The following NAV2 variants were observed in gnomAD, a reference collection of about 807,000 sequenced individuals.
NAV2 encodes neuron navigator 2, also known as helicase, APC down-regulated 1.
Under a neutral mutation model 223.2 loss-of-function variants are expected in NAV2, and 54 were observed. The observed-to-expected ratio is 0.24, with a 90% CI of 0.19 to 0.30. The LOEUF (loss-of-function observed/expected upper bound fraction) is 0.30. Ranked by LOEUF, NAV2 falls within the 10% of genes least tolerant of loss-of-function variation. NAV2 has a pLI of 1.00. For missense variants in NAV2, 2,806 were observed against 3,147.5 expected, an observed-to-expected ratio of 0.89 and a Z score of 2.60; for synonymous variants, 1,279 against 1,239.3, an observed-to-expected ratio of 1.03 and a Z score of -0.67.
chr11:19,936,906 G>A (rs1412021371), intron 7 of NAV2, among the ~76,000 whole-genome samples: 5 of 152,164 alleles, frequency 3.3e-5, no homozygotes, highest in Non-Finnish European at 7.4e-5. Flanking sequence ...GGAAGGTCAA[G>A]GTGGGCAGAT....
At chr11:19,537,233 C>G (rs561326004) in intron 1 of NAV2, among the ~76,000 whole-genome samples, 1 of 152,178 alleles carries the variant, frequency 6.6e-6, no homozygotes, top group East Asian at 1.9e-4. Context: ...AATAACTTTT[C>G]TAGAGCTATC....
intron 1 of NAV2, among the ~76,000 whole-genome samples, chr11:19,746,033 T>C (rs1403030883): frequency 1.3e-5 from 2 of 152,226 alleles, no homozygotes; most frequent in East Asian, 3.8e-4. Flanking sequence ...TAAAATATTA[T>C]GCCCATTTTA....
intron 1 of NAV2, among the ~76,000 whole-genome samples, chr11:19,374,120 G>A (rs1429024542): frequency 3.3e-5 from 5 of 152,004 alleles, no homozygotes; most frequent in East Asian, 1.9e-4. Context: ...TTTACCACAC[G>A]TATCACCAGT....
At chr11:19,588,025 ATCAG>A (rs1447806290) in intron 1 of NAV2, among the ~76,000 whole-genome samples, 15 of 152,340 alleles carry the variant, frequency 9.8e-5, no homozygotes, top group African/African-American at 3.6e-4. Flanking sequence ...TTGCCCTTAG[ATCAG>A]TGTCTAGCAT....
intron 34 of NAV2, 94 bp downstream of exon 34, chr11:20,103,818 T>A (rs1218550206): frequency 9.1e-7 from 1 of 1,095,788 alleles, no homozygotes; most frequent in Non-Finnish European, 1.4e-6. Context: ...TGAGTATGTG[T>A]TGTATGCTAG....
intron 11 of NAV2, among the ~76,000 whole-genome samples, chr11:20,008,360 A>C (rs1451107618): frequency 6.6e-6 from 1 of 152,198 alleles, no homozygotes; most frequent in African/African-American, 2.4e-5. Context: ...TGTCTCAAAA[A>C]AAAAAGTTTA....
intron 1 of NAV2, among the ~76,000 whole-genome samples, chr11:19,458,681 A>G (rs909627107): frequency 2.6e-5 from 4 of 152,200 alleles, no homozygotes; most frequent in African/African-American, 9.6e-5. Flanking sequence ...TAGAGTCAGG[A>G]TTTGAACCCA....
chr11:19,382,332 G>T (rs1848872504), intron 1 of NAV2, among the ~76,000 whole-genome samples: 1 of 152,118 alleles, frequency 6.6e-6, no homozygotes, highest in African/African-American at 2.4e-5. Context: ...TGGAATTGTT[G>T]CCATGCTGAA....
At chr11:19,777,104 C>G (rs973891940) in intron 1 of NAV2, among the ~76,000 whole-genome samples, 1 of 144,168 alleles carries the variant, frequency 6.9e-6, no homozygotes, top group East Asian at 2.0e-4. Context: ...CCCCCCCCCC[C>G]ACCCCGCCCT....
chr11:19,802,822 C>T (rs926387405), intron 1 of NAV2, among the ~76,000 whole-genome samples: 5 of 152,040 alleles, frequency 3.3e-5, no homozygotes, highest in African/African-American at 7.2e-5. Flanking sequence ...TGCTCTCCCA[C>T]ACAAATCAGC....
chr11:19,688,436 G>T (rs1476741738), intron 1 of NAV2, among the ~76,000 whole-genome samples: 2 of 152,024 alleles, frequency 1.3e-5, no homozygotes, highest in African/African-American at 4.8e-5. Context: ...TGGTAACAGA[G>T]GTACACAAAC....
chr11:19,636,942 T>G (rs180785398), intron 1 of NAV2, among the ~76,000 whole-genome samples: 23 of 152,368 alleles, frequency 1.5e-4, no homozygotes, highest in Non-Finnish European at 3.1e-4. Context: ...GGAGCTTCAG[T>G]GCTGAAAATT....
At chr11:20,086,856 G>A (rs940221437) in intron 26 of NAV2, among the ~76,000 whole-genome samples, 8 of 152,016 alleles carry the variant, frequency 5.3e-5, no homozygotes, top group African/African-American at 7.2e-5. Context: ...GTGGGGAGTC[G>A]GAGCACTACT....
chr11:19,877,830 T>C (rs940178336), intron 4 of NAV2, among the ~76,000 whole-genome samples: 1 of 152,122 alleles, frequency 6.6e-6, no homozygotes, highest in Non-Finnish European at 1.5e-5. Flanking sequence ...ACTATAGATA[T>C]GTCACTTCAC....
chr11:19,546,767 C>T (rs1270441609), intron 1 of NAV2, among the ~76,000 whole-genome samples: 1 of 152,140 alleles, frequency 6.6e-6, no homozygotes, highest in Non-Finnish European at 1.5e-5. Context: ...TTCCACTTTT[C>T]TCCTTTTTCT....
At chr11:20,017,945 C>T (rs1389051559) in intron 11 of NAV2, among the ~76,000 whole-genome samples, 1 of 152,122 alleles carries the variant, frequency 6.6e-6, no homozygotes, top group Non-Finnish European at 1.5e-5. Flanking sequence ...GAGAGCTTTC[C>T]TTCCTCCCTC....
At position 20,093,833 on chromosome 11, in the gene NAV2, T is replaced by C. The variant is rs146829482; in HGVS notation, c.5916+634T>C. ...TTTGGGATGGGGGCTAGAGCTGATA[T>C]TGAAAGTTGAATTTTAGCCAGTGAT... On this transcript the variant is annotated intron_variant, in intron 29 of 37. Transcript: ENST00000349880. Among the ~76,000 whole-genome samples the C allele has an allele frequency of 7.0e-4, 107 of 152,320 alleles. 1 individual carries two copies. In the East Asian group the frequency reaches 0.019, roughly 27 times the overall value.
chr11:19,460,173 A>G (rs1419224802), intron 1 of NAV2, among the ~76,000 whole-genome samples: 1 of 152,232 alleles, frequency 6.6e-6, no homozygotes, highest in Non-Finnish European at 1.5e-5. Flanking sequence ...CACAACAAAT[A>G]CTAGTTTCTT....
chr11:20,033,410 A>C lies in NAV2; in HGVS notation c.2769-2549A>C, dbSNP rs191505250. On this transcript the variant is annotated intron_variant, in intron 11 of 37. Coordinates refer to ENST00000349880, the MANE Select transcript of NAV2 (RefSeq NM_145117.5). ...ATAGAAGCAAATAGAAATGTGTGACACTATGTAGGAATTTAAAGTAGGAGA... is the reference window on the plus strand; with the variant it reads ...ATAGAAGCAAATAGAAATGTGTGACCCTATGTAGGAATTTAAAGTAGGAGA... Among the ~76,000 whole-genome samples the C allele has an allele frequency of 3.8e-3, 574 of 152,332 alleles. 5 individuals are homozygous for C. The highest frequency in any genetic ancestry group is 0.013 in the African/African-American group (544 of 41,576).
Sources: allele counts gnomAD v4.1 joint callset (sites outside exome capture counted in the v4.1 genomes callset), GRCh38; gene constraint gnomAD v4.1.1; transcripts MANE v1.5; gene names NCBI Gene and HGNC (gene_info 2026-07-23, HGNC 2026-07-21).